PCDHGB3: variants seen among roughly 807,000 people sequenced by gnomAD.
The protein encoded by PCDHGB3 is protocadherin gamma-B3.
PCDHGB3 carries 40 observed loss-of-function variants against 59.2 expected under a neutral mutation model. The ratio of observed to expected loss-of-function variants is 0.68; its 90% CI spans 0.52 to 0.88. The LOEUF (loss-of-function observed/expected upper bound fraction) is 0.88, where lower values mean the gene tolerates loss of function less well. Ranked by LOEUF, PCDHGB3 falls within the 40% of genes least tolerant of loss-of-function variation. The pLI, the probability that PCDHGB3 is intolerant of heterozygous loss-of-function variation, is 0.00. For synonymous variants in PCDHGB3, 581 were observed against 503.6 expected, an observed-to-expected ratio of 1.15 and a Z score of -2.06; for missense variants, 1,309 against 1,187.9, an observed-to-expected ratio of 1.10 and a Z score of -1.50.
intron 1 of PCDHGB3, chr5:141,410,094 C>G: frequency 6.2e-7 from 1 of 1,612,646 alleles, no homozygotes; most frequent in Non-Finnish European, 8.5e-7. Context: ...ACGGCTCGAG[C>G]CTTAGGCGAC....
intron 1 of PCDHGB3, among the ~76,000 whole-genome samples, chr5:141,379,887 CTCTTTTTTTTTTT>C (rs1775930082): frequency 1.2e-5 from 1 of 84,268 alleles, no homozygotes; most frequent in African/African-American, 5.0e-5. Context: ...CTGTGAAAGC[CTCTTTTTTTTTTT>C]TTTTTTTTTT....
intron 1 of PCDHGB3, chr5:141,394,026 G>A (rs745343207): frequency 6.2e-7 from 1 of 1,613,494 alleles, no homozygotes; most frequent in Admixed American, 1.7e-5. Context: ...TTATAGATTA[G>A]TGACAAGGAA....
chr5:141,498,713 C>T (rs1216279302), intron 2 of PCDHGB3, among the ~76,000 whole-genome samples: 1 of 152,148 alleles, frequency 6.6e-6, no homozygotes, highest in East Asian at 1.9e-4. Flanking sequence ...GGGTGGATCA[C>T]CTGAGGTCAG....
At chr5:141,385,113 G>A (rs541716228) in intron 1 of PCDHGB3, 3 of 1,614,166 alleles carry the variant, frequency 1.9e-6, no homozygotes, top group South Asian at 2.2e-5. Context: ...TGCCCACCTC[G>A]CACTTTGTGG....
At position 141,371,871 on chromosome 5, in the gene PCDHGB3, G is replaced by A. The variant is rs1298727306; in HGVS notation, c.1477G>A (p.Ala493Thr). ...PNGLVSYYIV[A>T]SDLEPRELSS... ...TGGCCTTGTCTCCTACTACATCGTG[G>A]CCAGTGACCTGGAGCCGCGGGAGCT... Residue 493 changes from alanine to threonine, a missense_variant, in exon 1 of 4, where the codon GCC becomes ACC. Ala to Thr is a moderately conservative substitution (Grantham distance 58, BLOSUM62 0). Transcript: ENST00000576222. 3 of 1,613,400 alleles carry A rather than the reference G, an allele frequency of 1.9e-6. No individual in the cohort carries two copies. The highest frequency in any genetic ancestry group is 2.7e-5 in the African/African-American group (2 of 74,954).
At chr5:141,440,150 A>G (rs770863453) in intron 1 of PCDHGB3, 1 of 152,244 alleles carries the variant, frequency 6.6e-6, no homozygotes, top group African/African-American at 2.4e-5. Context: ...ACGCCCCCCA[A>G]TTATAGCTTG....
intron 1 of PCDHGB3, chr5:141,410,146 C>T (rs2095361527): frequency 2.5e-6 from 4 of 1,612,390 alleles, no homozygotes; most frequent in Non-Finnish European, 2.5e-6. Context: ...CTGTGCGTGA[C>T]GGTGGACAGC....
Position 141,505,409 on chromosome 5 carries a change from G to T in PCDHGB3, c.2491G>T (p.Asp831Tyr). The change falls in exon 3 of 4, where the codon GAC (aspartate) becomes TAC (tyrosine). Residue 831 changes from aspartate to tyrosine, a missense_variant. Asp to Tyr is a radical substitution (Grantham distance 160). Transcript: ENST00000576222. ...PGTSGSQNGD[D>Y]TGTWPNNQFD... Reference sequence around the variant, plus strand: ...TCTCCCCAGCTCCCAAAATGGCGATGACACCGGCACCTGGCCCAACAACCA... The same window carrying T: ...TCTCCCCAGCTCCCAAAATGGCGATTACACCGGCACCTGGCCCAACAACCA... 6.2e-7 allele frequency: 1 copy of T among 1,614,200 alleles called. No individual in the cohort carries two copies. Among genetic ancestry groups the T allele is most frequent in the Non-Finnish European group, 8.5e-7 (1 of 1,180,048 alleles).
chr5:141,398,704 G>A (rs1044524998), intron 1 of PCDHGB3: 9 of 1,613,808 alleles, frequency 5.6e-6, no homozygotes, highest in Non-Finnish European at 7.6e-6. Flanking sequence ...TAAATACCCG[G>A]AACTGGCACT....
chr5:141,465,968 A>G (rs2099113507), intron 1 of PCDHGB3, among the ~76,000 whole-genome samples: 3 of 151,940 alleles, frequency 2.0e-5, no homozygotes, highest in Admixed American at 6.6e-5. Flanking sequence ...TAAAAATACA[A>G]AAAATTAGCC....
Position 141,511,208 on chromosome 5 carries a change from C to T in PCDHGB3, c.*35C>T, listed in dbSNP as rs1278180818. 27 of 1,610,922 alleles carry T rather than the reference C, an allele frequency of 1.7e-5. No individual in the cohort carries two copies. Among genetic ancestry groups the T allele is most frequent in the Non-Finnish European group, 2.3e-5 (27 of 1,178,572 alleles). ...CAGGCCAAGAGCCACAGGGCGGCCT[C>T]TCCCCAACCAGCCCAGCTTCTCCTT... On this transcript the variant is annotated 3_prime_UTR_variant, in exon 4 of 4. Coordinates refer to ENST00000576222, the MANE Select transcript of PCDHGB3 (RefSeq NM_018924.5).
At chr5:141,415,702 GC>G (rs754496290) in intron 1 of PCDHGB3, 1 of 1,403,056 alleles carries the variant, frequency 7.1e-7, no homozygotes, top group South Asian at 1.3e-5. Context: ...AAGTGTAAAT[GC>G]TAAAACACTG....
chr5:141,394,174 A>T, intron 1 of PCDHGB3: 1 of 1,613,824 alleles, frequency 6.2e-7, no homozygotes, highest in Non-Finnish European at 8.5e-7. Flanking sequence ...ACTTTCCCTC[A>T]TGCCTCCTAC....
chr5:141,425,242 G>A (rs2096863400), intron 1 of PCDHGB3, among the ~76,000 whole-genome samples: 1 of 152,128 alleles, frequency 6.6e-6, no homozygotes, highest in South Asian at 2.1e-4. Context: ...TAAATAAAAA[G>A]GATATGAGGT....
intron 1 of PCDHGB3, chr5:141,416,166 T>C (rs2096001393): frequency 6.5e-6 from 1 of 152,744 alleles, no homozygotes; most frequent in Admixed American, 6.5e-5. Flanking sequence ...CAGTTGAATA[T>C]ACTAAGTTTT....
chr5:141,393,861 A>G (rs1324870023), intron 1 of PCDHGB3: 11 of 1,613,904 alleles, frequency 6.8e-6, no homozygotes, highest in Non-Finnish European at 9.3e-6. Context: ...AGTGATCATT[A>G]CGTCTTTGTT....
Position 141,477,203 on chromosome 5 carries a change from G to T in PCDHGB3, c.2416-17604G>T. On this transcript the variant is annotated intron_variant, in intron 1 of 3. Coordinates refer to ENST00000576222, the MANE Select transcript of PCDHGB3 (RefSeq NM_018924.5). The surrounding 1 kb of genome is among the most constrained non-coding windows in gnomAD (Gnocchi z 4.9). ...CACCTCCGTGTACAGCCCAGTACCC[G>T]AGGATGCCCCTCTGGGGACTGTCAT... 1 of 1,614,176 alleles carries T rather than the reference G, an allele frequency of 6.2e-7. No individual in the cohort carries two copies. The highest frequency in any genetic ancestry group is 1.1e-5 in the South Asian group (1 of 91,082).
At chr5:141,389,341 CT>C in intron 1 of PCDHGB3, 1 of 1,614,016 alleles carries the variant, frequency 6.2e-7, no homozygotes, top group Admixed American at 1.7e-5. Flanking sequence ...GGCCAAGTCT[CT>C]TACTGCATCA....
chr5:141,415,102 A>C, intron 1 of PCDHGB3: 1 of 1,613,550 alleles, frequency 6.2e-7, no homozygotes. Flanking sequence ...AGACGCGCTC[A>C]AGCAAAGCCT....
Sources: gnomAD v4.1 joint callset for allele counts (sites outside exome capture counted in the v4.1 genomes callset) on GRCh38, gnomAD v4.1.1 for gene constraint, Gnocchi (gnomAD v3.1) non-coding constraint, MANE v1.5 for transcripts, NCBI Gene and HGNC (gene_info 2026-07-23, HGNC 2026-07-21) for gene names.